The following MMRN1 variants were observed in gnomAD, a reference collection of about 807,000 sequenced individuals.
The protein encoded by MMRN1 is multimerin-1.
MMRN1 carries 94 observed loss-of-function variants against 100.7 expected under a neutral mutation model. The ratio of observed to expected loss-of-function variants is 0.93; its 90% CI spans 0.79 to 1.11. The LOEUF (loss-of-function observed/expected upper bound fraction) is 1.11. MMRN1 is among the 50% of genes least tolerant of loss of function. The pLI, the probability that MMRN1 is intolerant of heterozygous loss-of-function variation, is 0.00. For missense variants in MMRN1, 1,606 were observed against 1,439.1 expected (o/e 1.12, Z -1.88); for synonymous variants, 575 against 505.0 (o/e 1.14, Z -1.86).
rs368231759 is a variant in MMRN1, at chr4:89,935,463, A to G, written c.1783A>G (p.Met595Val). ...KESLRGECED[M>V]LSKCRNDFKF... ...GTCTCTCAGAGGTGAATGTGAAGACATGTTATCCAAATGCAGAAATGATTT... is the reference window on the plus strand; with the variant it reads ...GTCTCTCAGAGGTGAATGTGAAGACGTGTTATCCAAATGCAGAAATGATTT... Residue 595 changes from methionine (M) to valine (V), a missense_variant, in exon 6 of 8, where the codon ATG becomes GTG. Physicochemically the swap from Met to Val is conservative, Grantham distance 21. Coordinates refer to ENST00000264790, the MANE Select transcript of MMRN1 (RefSeq NM_007351.3). 7 of 1,613,578 alleles carry G rather than the reference A, an allele frequency of 4.3e-6. No homozygotes were observed. In the African/African-American group the frequency reaches 5.3e-5, roughly 12 times the overall value.
chr4:89,900,996 T>A (rs997231677), intron 1 of MMRN1, among the ~76,000 whole-genome samples: 3 of 151,864 alleles, frequency 2.0e-5, no homozygotes, highest in African/African-American at 7.3e-5. Flanking sequence ...AGGTAAGTGA[T>A]CAACAGTGTG....
intron 2 of MMRN1, among the ~76,000 whole-genome samples, chr4:89,909,922 A>T (rs181839204): frequency 4.0e-5 from 6 of 151,380 alleles, no homozygotes; most frequent in Admixed American, 2.0e-4. Context: ...ATCATTTTTT[A>T]AAAAAGTCTA....
chr4:89,924,309 T>C (rs1173479531), intron 4 of MMRN1, among the ~76,000 whole-genome samples: 1 of 152,122 alleles, frequency 6.6e-6, no homozygotes, highest in Non-Finnish European at 1.5e-5. Context: ...TTTGAAATAA[T>C]TTTTTTAAAA....
chr4:89,936,283 A>C lies in MMRN1; in HGVS notation c.2603A>C (p.Lys868Thr). ...FETRLQDIES[K>T]VTQTLIPYYI... ...ACTCGGTTGCAAGACATTGAGTCTA[A>C]AGTTACCCAGACGCTCATACCTTAT... is the stretch of plus-strand genomic sequence containing the variant. The change falls in exon 6 of 8, where the codon AAA becomes ACA. Residue 868 changes from lysine to threonine, a missense_variant. Lys to Thr is a moderately conservative substitution (Grantham distance 78). Transcript: ENST00000264790. 6.2e-7 allele frequency: 1 copy of C among 1,611,200 alleles called. No individual in the cohort carries two copies. The highest frequency in any genetic ancestry group is 2.2e-5 in the East Asian group (1 of 44,776).
chr4:89,926,805 G>A (rs896221537), intron 4 of MMRN1, among the ~76,000 whole-genome samples: 1 of 152,038 alleles, frequency 6.6e-6, no homozygotes, highest in South Asian at 2.1e-4. Flanking sequence ...TTTGATTTTT[G>A]TGCATAGTAA....
chr4:89,923,125 C>T, intron 3 of MMRN1, 43 bp from the exon 4 acceptor site: 1 of 1,496,172 alleles, frequency 6.7e-7, no homozygotes. Context: ...ATGAGGCTGT[C>T]CCAGTGCTTA....
In MMRN1 at chr4:89,918,690, T is replaced by A. The variant is rs574877085; in HGVS notation, c.851-4478T>A. ...GTCAGAAATATTTGAATACAGTAGC[T>A]TATAGTGCCAAAATTTTTAAAAAGC... is the stretch of plus-strand genomic sequence containing the variant. On this transcript the variant is annotated intron_variant, in intron 3 of 7. Transcript: ENST00000264790. Among the ~76,000 whole-genome samples the A allele has an allele frequency of 2.8e-4, 43 of 151,974 alleles. No homozygotes were observed. The Middle Eastern group carries it at 0.02, about 72-fold the overall frequency.
rs1450459173 is a variant in MMRN1 at position 89,953,750 on chromosome 4, G to A, written c.*332G>A. On this transcript the variant is annotated 3_prime_UTR_variant, in exon 8 of 8. Coordinates refer to ENST00000264790, the MANE Select transcript of MMRN1 (RefSeq NM_007351.3). ...AAATGGTAATTACAACATATTATCA[G>A]TCACAGTTTTCTTTCCAATTAAACA... 2.9e-5 allele frequency: 5 copies of A among 172,966 alleles called. No individual in the cohort carries two copies. Among genetic ancestry groups the A allele is most frequent in the Admixed American group, 6.2e-5 (1 of 16,062 alleles). 10.7% of individuals were successfully genotyped at this position (172,966 alleles called of 1,614,324 possible). A position where few individuals can be genotyped will look rare whatever the true frequency, so the allele number is the denominator to read the frequency against.
chr4:89,924,871 T>G (rs1046766528), intron 4 of MMRN1, among the ~76,000 whole-genome samples: 1 of 152,026 alleles, frequency 6.6e-6, no homozygotes. Flanking sequence ...TAAGTGTTTT[T>G]AAATATATAT....
intron 7 of MMRN1, among the ~76,000 whole-genome samples, 194 bp from the exon 8 acceptor site, chr4:89,952,803 G>C (rs959838185): frequency 2.2e-4 from 33 of 152,212 alleles, no homozygotes; most frequent in African/African-American, 7.9e-4. Flanking sequence ...GCAACAAGAG[G>C]CTAAGCAATT....
chr4:89,947,752 G>T (rs576953813), intron 6 of MMRN1, among the ~76,000 whole-genome samples: 1 of 152,118 alleles, frequency 6.6e-6, no homozygotes, highest in South Asian at 2.1e-4. Flanking sequence ...AGCCTATTAA[G>T]CACAAATATG....
At chr4:89,883,038 C>G (rs1325337615) in intron 1 of MMRN1, among the ~76,000 whole-genome samples, 2 of 152,002 alleles carry the variant, frequency 1.3e-5, no homozygotes, top group African/African-American at 4.8e-5. Context: ...CATCTCAAAT[C>G]TCTCAGTAAT....
At chr4:89,937,270 C>T (rs1722677254) in intron 6 of MMRN1, among the ~76,000 whole-genome samples, 1 of 151,982 alleles carries the variant, frequency 6.6e-6, no homozygotes, top group Non-Finnish European at 1.5e-5. Context: ...CCATCAATGC[C>T]AAGCTAAGTA....
At chr4:89,884,667 G>T (rs1329376340) in intron 1 of MMRN1, among the ~76,000 whole-genome samples, 3 of 152,046 alleles carry the variant, frequency 2.0e-5, no homozygotes, top group Admixed American at 6.6e-5. Context: ...TGCAATCAGA[G>T]CACAGTGCAG....
chr4:89,953,327 AG>A lies in MMRN1; in HGVS notation c.3598del (p.Glu1200LysfsTer33), dbSNP rs1723245942. The A allele has an allele frequency of 6.2e-7, 1 of 1,613,734 alleles. No homozygotes were observed. Among genetic ancestry groups the A allele is most frequent in the South Asian group, 1.1e-5 (1 of 91,072 alleles). On this transcript the variant is annotated frameshift_variant, in exon 8 of 8. Coordinates refer to ENST00000264790, the MANE Select transcript of MMRN1 (RefSeq NM_007351.3). LOFTEE classifies it high-confidence loss of function. ...GCCTTATTAGAATTAAATTATGGGC[AG>A]GAAGTCTGGTTACGACTTGCAAAAG... The part of the protein sequence containing the change: ...GDALLELNYG[Q>X]EVWLRLAKGT...
Position 89,936,499 on chromosome 4 carries a change from A to G in MMRN1, c.2819A>G (p.Glu940Gly). The G allele has an allele frequency of 6.2e-7, 1 of 1,613,340 alleles. No individual in the cohort carries two copies. Residue 940 changes from glutamate (E) to glycine (G), a missense_variant, in exon 6 of 8, where the codon GAA (glutamate) becomes GGA (glycine). Coordinates refer to ENST00000264790, the MANE Select transcript of MMRN1 (RefSeq NM_007351.3). ...CACAATGCTTCTACAAGTGTGTCAG[A>G]ACTGAATGCTACCATCCCTAAGTGG... ...MCHNASTSVS[E>G]LNATIPKWIK...
chr4:89,932,416 A>T (rs1023646606), intron 5 of MMRN1, among the ~76,000 whole-genome samples: 1 of 152,084 alleles, frequency 6.6e-6, no homozygotes, highest in Non-Finnish European at 1.5e-5. Context: ...TCTGCAGGAG[A>T]GTAGCCCTCT....
Position 89,951,759 on chromosome 4 carries a change from A to G in MMRN1, c.3265+8A>G, listed in dbSNP as rs1182312038. ...AAAATGCTTTAGCTCCAGGTAAAAA[A>G]AAAGTATACGCATCTTTGGATTTGC... On this transcript the variant is annotated splice_region_variant and intron_variant, in intron 7 of 7. Coordinates refer to ENST00000264790, the MANE Select transcript of MMRN1 (RefSeq NM_007351.3). The G allele has an allele frequency of 6.2e-7, 1 of 1,611,302 alleles. No individual in the cohort carries two copies. The highest frequency in any genetic ancestry group is 2.2e-5 in the East Asian group (1 of 44,660).
intron 4 of MMRN1, among the ~76,000 whole-genome samples, chr4:89,924,891 T>C (rs1246657208): frequency 6.6e-6 from 1 of 152,038 alleles, no homozygotes; most frequent in African/African-American, 2.4e-5. Context: ...TATTTAACTT[T>C]CAGTTTTTGT....
Sources: allele counts gnomAD v4.1 joint callset (sites outside exome capture counted in the v4.1 genomes callset), GRCh38; gene constraint gnomAD v4.1.1; transcripts MANE v1.5; gene names NCBI Gene and HGNC (gene_info 2026-07-23, HGNC 2026-07-21).